The following LARGE1 variants were observed in gnomAD, a reference collection of about 807,000 sequenced individuals.
The protein encoded by LARGE1 is xylosyl- and glucuronyltransferase LARGE1.
Under a neutral mutation model 87.6 loss-of-function variants are expected in LARGE1, and 43 were observed. The observed-to-expected ratio is 0.49, with a 90% CI of 0.38 to 0.63. The LOEUF is 0.63. Among genes scored for constraint, LARGE1 ranks in the 30% least tolerant of loss-of-function variants. The pLI is 0.00. For synonymous variants in LARGE1, 434 were observed against 394.6 expected, an observed-to-expected ratio of 1.10 and a Z score of -1.18; for missense variants, 802 against 1,000.2, an observed-to-expected ratio of 0.80 and a Z score of 2.67.
chr22:33,588,291 T>C (rs893058076), intron 5 of LARGE1, among the ~76,000 whole-genome samples: 1 of 152,152 alleles, frequency 6.6e-6, no homozygotes, highest in African/African-American at 2.4e-5. Context: ...ATCAATGTCA[T>C]AAAAAATGAA....
intron 6 of LARGE1, among the ~76,000 whole-genome samples, chr22:33,509,216 C>T (rs946208595): frequency 1.8e-4 from 27 of 152,120 alleles, no homozygotes; most frequent in African/African-American, 6.0e-4. Flanking sequence ...CTTTGAATAC[C>T]AGCAAGTTCC....
At position 33,650,497 on chromosome 22, in the gene LARGE1, T is replaced by G. The variant is rs1387115708; in HGVS notation, c.278A>C (p.His93Pro). Residue 93 changes from histidine to proline, a missense_variant, in exon 3 of 15, where the codon CAT (histidine) becomes CCT (proline). This residue lies in a region of LARGE1 where 177 missense variants were observed against 158.3 expected (regional missense o/e 1.12). Transcript: ENST00000397394. Reference sequence around the variant, plus strand: ...GGTCTTGGAGTGGTTGCCTCGGCGATGGGATGGGGCTCGGCCCTGGGCCAG... The same window carrying G: ...GGTCTTGGAGTGGTTGCCTCGGCGAGGGGATGGGGCTCGGCCCTGGGCCAG... ...LSLAQGRAPS[H>P]RRGNHSKTYS... The G allele has an allele frequency of 6.2e-6, 10 of 1,613,598 alleles. No homozygotes were observed. The highest frequency in any genetic ancestry group is 3.3e-5 in the Admixed American group (2 of 60,024).
chr22:33,104,900 T>C, the LARGE1 span, among the ~76,000 whole-genome samples: 2 of 45,094 alleles, frequency 4.4e-5, no homozygotes, highest in African/African-American at 1.1e-4. Context: ...TCTTTCTTTC[T>C]TTCTTTCTTT....
intron 1 of LARGE1, among the ~76,000 whole-genome samples, chr22:33,870,893 T>A (rs2064259533): frequency 6.6e-6 from 1 of 152,132 alleles, no homozygotes; most frequent in South Asian, 2.1e-4. Flanking sequence ...GAGGGAAAAC[T>A]GAGGCATACA....
intron 2 of LARGE1, among the ~76,000 whole-genome samples, chr22:33,668,964 C>G (rs1187102496): frequency 6.6e-6 from 1 of 152,204 alleles, no homozygotes; most frequent in African/African-American, 2.4e-5. Context: ...CACAAGGACC[C>G]TTCAGCAGAC....
chr22:33,178,605 A>T (rs1923002935), intron 11 of LARGE1, among the ~76,000 whole-genome samples: 1 of 152,196 alleles, frequency 6.6e-6, no homozygotes, highest in African/African-American at 2.4e-5. Flanking sequence ...TTGCTTTATG[A>T]AAGTTAACTG....
At chr22:33,593,147 G>GC (rs1569297719) in intron 5 of LARGE1, among the ~76,000 whole-genome samples, 2 of 138,242 alleles carry the variant, frequency 1.4e-5, no homozygotes, top group South Asian at 4.9e-4. Context: ...CCTTTTTTCT[G>GC]TTTTTAAAAT....
intron 2 of LARGE1, among the ~76,000 whole-genome samples, chr22:33,666,319 A>T (rs957360929): frequency 6.6e-6 from 1 of 152,228 alleles, no homozygotes; most frequent in Non-Finnish European, 1.5e-5. Context: ...GCAAGCATGG[A>T]TGCAGAAGAA....
chr22:33,258,034 A>G (rs1927409120), intron 11 of LARGE1, among the ~76,000 whole-genome samples: 1 of 151,698 alleles, frequency 6.6e-6, no homozygotes, highest in Non-Finnish European at 1.5e-5. Flanking sequence ...AAATGTATAT[A>G]TATTTTTTTG....
At chr22:33,756,674 T>G (rs415551) in intron 2 of LARGE1, among the ~76,000 whole-genome samples, 128,696 of 151,956 alleles carry the variant, frequency 0.85, 54,722 homozygotes, top group East Asian at 0.97. Context: ...TGCGAGGCAG[T>G]ATGGTGGGGA....
chr22:33,513,824 C>CAT (rs2071167616), intron 6 of LARGE1, among the ~76,000 whole-genome samples: 2 of 151,664 alleles, frequency 1.3e-5, no homozygotes, highest in African/African-American at 4.8e-5. Flanking sequence ...CACACACACA[C>CAT]ACACACACAC....
intron 1 of LARGE1, among the ~76,000 whole-genome samples, chr22:33,818,682 A>G (rs2086729884): frequency 6.6e-6 from 1 of 152,200 alleles, no homozygotes; most frequent in South Asian, 2.1e-4. Flanking sequence ...TGCTTCATGG[A>G]CCAGAAGAAA....
chr22:33,696,243 CTTT>C, intron 2 of LARGE1, among the ~76,000 whole-genome samples: 1 of 105,878 alleles, frequency 9.4e-6, no homozygotes, highest in African/African-American at 3.7e-5. Context: ...ATTTTTCTTT[CTTT>C]CTTTCTTTCT....
intron 12 of LARGE1, among the ~76,000 whole-genome samples, chr22:33,288,948 A>AATT (rs111962265): frequency 0.027 from 4,126 of 150,950 alleles, 150 homozygotes; most frequent in African/African-American, 0.089. Context: ...TGGATCAAGG[A>AATT]ATTATTATTA....
intron 1 of LARGE1, among the ~76,000 whole-genome samples, chr22:33,801,250 C>A (rs62225453): frequency 0.072 from 10,909 of 152,232 alleles, 512 homozygotes; most frequent in Admixed American, 0.11. Flanking sequence ...ATGTCTTTAT[C>A]AGCCGCATGA....
At chr22:33,897,373 C>G (rs372568376) in intron 1 of LARGE1, among the ~76,000 whole-genome samples, 4 of 152,162 alleles carry the variant, frequency 2.6e-5, no homozygotes, top group Non-Finnish European at 5.9e-5. Flanking sequence ...AGATAAAAGT[C>G]CCAGGGATCC....
At chr22:33,699,440 G>A (rs2082344287) in intron 2 of LARGE1, among the ~76,000 whole-genome samples, 1 of 152,202 alleles carries the variant, frequency 6.6e-6, no homozygotes, top group African/African-American at 2.4e-5. Context: ...TAGAAGCAGA[G>A]CCAGGAGGAG....
chr22:33,207,903 T>A (rs1011417211), intron 11 of LARGE1, among the ~76,000 whole-genome samples: 2 of 152,134 alleles, frequency 1.3e-5, no homozygotes, highest in Non-Finnish European at 2.9e-5. Context: ...AAAGTTTTTC[T>A]CCCCTAAAGG....
intron 6 of LARGE1, among the ~76,000 whole-genome samples, chr22:33,519,114 A>C (rs933446160): frequency 6.6e-6 from 1 of 152,202 alleles, no homozygotes; most frequent in Non-Finnish European, 1.5e-5. Context: ...CAGATTAAAA[A>C]AAAATCTCAT....
Sources: gnomAD v4.1 joint callset for allele counts (sites outside exome capture counted in the v4.1 genomes callset) on GRCh38, gnomAD v4.1.1 for gene constraint, gnomAD v4.1.1 regional missense constraint, MANE v1.5 for transcripts, NCBI Gene and HGNC (gene_info 2026-07-23, HGNC 2026-07-21) for gene names.